IFT122: variants seen among roughly 807,000 people sequenced by gnomAD.
IFT122 encodes the protein intraflagellar transport 122.
IFT122 carries 118 observed loss-of-function variants against 161.6 expected under a neutral mutation model. That is an observed-to-expected ratio of 0.73 (90% CI 0.63 to 0.85). IFT122 has a LOEUF of 0.85. IFT122 is among the 40% of genes least tolerant of loss of function. The pLI is 0.00. For missense variants in IFT122, 1,381 were observed against 1,579.6 expected (o/e 0.87, Z 2.13); for synonymous variants, 550 against 602.4 (o/e 0.91, Z 1.27).
rs794727536 is a variant in IFT122, at chr3:129,519,642, C to T, written c.3546C>T (p.Leu1182=). Reference sequence around the variant, plus strand: ...GCTCCATGAGCCGCCGGGATGTCCTCATCAAGCGATGGCCCCCACCCCTGA... The same window carrying T: ...GCTCCATGAGCCGCCGGGATGTCCTTATCAAGCGATGGCCCCCACCCCTGA... The part of the protein sequence containing the change: ...VLRSMSRRDV[L]IKRWPPPLRW... Residue 1182 remains leucine (L), a synonymous_variant, in exon 29 of 30, where the codon CTC becomes CTT. Coordinates refer to ENST00000348417, the MANE Select transcript of IFT122 (RefSeq NM_052989.3). 4.3e-6 allele frequency: 7 copies of T among 1,613,712 alleles called. No homozygotes were observed. Among genetic ancestry groups the T allele is most frequent in the Non-Finnish European group, 4.2e-6 (5 of 1,180,004 alleles).
At position 129,488,116 on chromosome 3, in the gene IFT122, G is replaced by T. The variant is rs1185688031; in HGVS notation, c.1852-141G>T. 4 of 1,385,020 alleles carry T rather than the reference G, an allele frequency of 2.9e-6. No individual in the cohort carries two copies. In the East Asian group the frequency reaches 9.4e-5, roughly 33 times the overall value. The allele number at this position is 1,385,020 out of a possible 1,614,324, so 85.8% of individuals were successfully genotyped here. A position where few individuals can be genotyped will look rare whatever the true frequency, so the allele number is the denominator to read the frequency against. The stretch of plus-strand genomic sequence containing the variant: ...CAGGGTGGGCTGGGCAGGCTGGGCA[G>T]GGTGCTGATTGGCGGCTGCAGGGCT... On this transcript the variant is annotated intron_variant, in intron 15 of 29. Coordinates refer to ENST00000348417, the MANE Select transcript of IFT122 (RefSeq NM_052989.3).
chr3:129,492,527 G>A (rs2080258356), intron 17 of IFT122, among the ~76,000 whole-genome samples: 1 of 152,156 alleles, frequency 6.6e-6, no homozygotes, highest in Non-Finnish European at 1.5e-5. Context: ...GCATCCTCCT[G>A]GTGGCGGATA....
chr3:129,520,150 C>T (rs1326122083), intron 29 of IFT122, 26 bp from the exon 30 acceptor site: 1 of 1,594,074 alleles, frequency 6.3e-7, no homozygotes, highest in Non-Finnish European at 8.6e-7. Context: ...GGGCTTCAGC[C>T]TGGTCTTACA....
At chr3:129,460,807 G>A (rs1559867871) in intron 4 of IFT122, 1 of 1,512,752 alleles carries the variant, frequency 6.6e-7, no homozygotes, top group Non-Finnish European at 9.2e-7. Flanking sequence ...CATGGTACAT[G>A]ATTTGCTCAG....
chr3:129,516,694 G>GCGCGCGCA lies in IFT122; in HGVS notation c.3266-774_3266-773insGCGCGCAC, dbSNP rs1243629398. Among the ~76,000 whole-genome samples the GCGCGCGCA allele has an allele frequency of 4.6e-4, 23 of 50,218 alleles. No homozygotes were observed. The East Asian group carries it at 0.012, about 27-fold the overall frequency. 32.9% of individuals were successfully genotyped at this position (50,218 alleles called of 152,430 possible). A position where few individuals can be genotyped will look rare whatever the true frequency, so the allele number is the denominator to read the frequency against. ...CCCTGCACACACACAGATTGCTCCT[G>GCGCGCGCA]CACACACACACACACACACACACAC... is the stretch of plus-strand genomic sequence containing the variant. On this transcript the variant is annotated intron_variant, in intron 26 of 29. Transcript: ENST00000348417.
In IFT122 at chr3:129,504,397, G is replaced by C; in HGVS notation, c.2626G>C (p.Asp876His). ...MPYAQWLAENDRFEEAQKAFH... is the reference protein window; with the variant it reads ...MPYAQWLAENHRFEEAQKAFH... ...GTATGCTCAGTGGCTAGCAGAGAACGATCGCTTTGAGGAAGCCCAGAAAGG... is the reference window on the plus strand; with the variant it reads ...GTATGCTCAGTGGCTAGCAGAGAACCATCGCTTTGAGGAAGCCCAGAAAGG... The change falls in exon 21 of 30, where the codon GAT becomes CAT. Residue 876 changes from aspartate to histidine, a missense_variant. Asp to His is a moderately conservative substitution (Grantham distance 81). Around this residue, in one of 7 missense-constraint regions of IFT122, gnomAD observed 496 missense variants for 502.5 expected, o/e 0.99. Coordinates refer to ENST00000348417, the MANE Select transcript of IFT122 (RefSeq NM_052989.3). The C allele has an allele frequency of 6.2e-7, 1 of 1,613,964 alleles. No homozygotes were observed.
At chr3:129,459,511 G>T (rs769954941) in intron 4 of IFT122, 9 of 268,602 alleles carry the variant, frequency 3.4e-5, no homozygotes, top group Non-Finnish European at 5.9e-5. Context: ...GGATGGTCTC[G>T]ATCTCCTGAC....
At chr3:129,495,667 C>T (rs1051976764) in intron 18 of IFT122, 60 bp downstream of exon 18, 27 of 1,583,318 alleles carry the variant, frequency 1.7e-5, no homozygotes, top group African/African-American at 1.6e-4. Context: ...TTCTCACGTG[C>T]GGTGTCCAAG....
At chr3:129,509,010 CCAAA>C (rs1028111878) in intron 23 of IFT122, among the ~76,000 whole-genome samples, 35 of 152,290 alleles carry the variant, frequency 2.3e-4, no homozygotes, top group East Asian at 1.5e-3. Context: ...CAGCAGACCA[CCAAA>C]CAGTGATCAT....
In IFT122 at chr3:129,481,556, C is replaced by T; in HGVS notation, c.1515C>T (p.Leu505=). ...TCCTGAAGATCTTCGTGGACAATCT[C>T]TTTGCTATCGTCCTGCTGAAGCAGG... ...GQILKIFVDN[L]FAIVLLKQAT... is the part of the protein sequence containing the mutation. Residue 505 remains leucine, a synonymous_variant, in exon 14 of 30, where the codon CTC becomes CTT. Coordinates refer to ENST00000348417, the MANE Select transcript of IFT122 (RefSeq NM_052989.3). 6.3e-7 allele frequency: 1 copy of T among 1,588,890 alleles called. No homozygotes were observed.
chr3:129,459,006 C>G (rs1000460799), intron 4 of IFT122, among the ~76,000 whole-genome samples: 4 of 152,168 alleles, frequency 2.6e-5, no homozygotes, highest in Non-Finnish European at 5.9e-5. Context: ...CACCCAGTGT[C>G]AAATGTCAGA....
intron 14 of IFT122, among the ~76,000 whole-genome samples, 187 bp from the exon 15 acceptor site, chr3:129,483,298 G>GCTTGCCTCTGTTCATTTCT (rs1356914442): frequency 6.6e-6 from 1 of 152,040 alleles, no homozygotes; most frequent in East Asian, 1.9e-4. Context: ...GCATGGAGGG[G>GCTTGCCTCTGTTCATTTCT]CTTGCCTCTG....
At chr3:129,477,902 G>A in intron 11 of IFT122, 114 bp from the exon 12 acceptor site, 1 of 846,594 alleles carries the variant, frequency 1.2e-6, no homozygotes, top group Non-Finnish European at 2.0e-6. Context: ...TTTTCAATGA[G>A]AGTATCTCAC....
intron 13 of IFT122, 74 bp downstream of exon 13, chr3:129,479,996 T>C (rs935897895): frequency 1.3e-6 from 2 of 1,576,932 alleles, no homozygotes; most frequent in Admixed American, 1.7e-5. Context: ...TAGCAATGAC[T>C]CTGAGCTGGG....
chr3:129,464,725 C>G lies in IFT122; in HGVS notation c.507C>G (p.Ile169Met), dbSNP rs139962927. ...RNKNGEEKVK[I>M]ERPGGSLSPI... ...AAAATGGCGAGGAGAAAGTAAAGAT[C>G]GAGCGGCCGGGGGGCTCCCTCTCGC... Residue 169 changes from isoleucine (I) to methionine (M), a missense_variant, in exon 7 of 30, where the codon ATC (isoleucine) becomes ATG (methionine). Ile to Met is a conservative substitution (Grantham distance 10, BLOSUM62 1). Transcript: ENST00000348417. 5.6e-6 allele frequency: 9 copies of G among 1,613,948 alleles called. No individual in the cohort carries two copies. Among genetic ancestry groups the G allele is most frequent in the South Asian group, 2.2e-5 (2 of 91,074 alleles).
At chr3:129,519,461 A>G (rs2084468745) in intron 28 of IFT122, 107 bp from the exon 29 acceptor site, 4 of 1,458,326 alleles carry the variant, frequency 2.7e-6, no homozygotes, top group African/African-American at 1.4e-5. Flanking sequence ...GGGTTTAGGA[A>G]GCAGGTCCTC....
intron 18 of IFT122, among the ~76,000 whole-genome samples, chr3:129,497,100 G>A (rs1235620406): frequency 2.0e-5 from 3 of 152,128 alleles, no homozygotes; most frequent in Non-Finnish European, 4.4e-5. Context: ...GGGCAATATG[G>A]TGAAACCCTC....
rs146818318 is a variant in IFT122 at position 129,469,480 on chromosome 3, C to G, written c.816+63C>G. ...TGTTATATTTTCATTTTCTGAGATTCTGTTACTATTAATTATACATTATCA... is the reference window on the plus strand; with the variant it reads ...TGTTATATTTTCATTTTCTGAGATTGTGTTACTATTAATTATACATTATCA... On this transcript the variant is annotated intron_variant, in intron 9 of 29. Coordinates refer to ENST00000348417, the MANE Select transcript of IFT122 (RefSeq NM_052989.3). 6.7e-4 allele frequency: 843 copies of G among 1,267,486 alleles called. 10 individuals carry two copies. Among genetic ancestry groups the G allele is most frequent in the Non-Finnish European group, 1.8e-4 (155 of 865,318 alleles). 78.5% of individuals were successfully genotyped at this position (1,267,486 alleles called of 1,614,324 possible). A position where few individuals can be genotyped will look rare whatever the true frequency, so the allele number is the denominator to read the frequency against.
chr3:129,464,879 C>T (rs1034147506), intron 7 of IFT122, 98 bp downstream of exon 7: 1 of 1,328,346 alleles, frequency 7.5e-7, no homozygotes, highest in Non-Finnish European at 1.1e-6. Context: ...CTTCTCACCT[C>T]ACTTGAATGG....
Sources: allele counts gnomAD v4.1 joint callset (sites outside exome capture counted in the v4.1 genomes callset), GRCh38; gene constraint gnomAD v4.1.1; regional missense constraint gnomAD v4.1.1; transcripts MANE v1.5; gene names NCBI Gene and HGNC (gene_info 2026-07-23, HGNC 2026-07-21).